DOK4: variants seen among roughly 807,000 people sequenced by gnomAD.
The protein encoded by DOK4 is downstream of tyrosine kinase 4.
In DOK4, 26 loss-of-function variants were observed where a neutral mutation model predicts 40.1. The observed-to-expected ratio is 0.65, with a 90% CI of 0.48 to 0.90. The LOEUF is 0.90. Ranked by LOEUF, DOK4 falls within the 40% of genes least tolerant of loss-of-function variation. DOK4 has a pLI of 0.00. For synonymous variants in DOK4, 179 were observed against 177.0 expected (o/e 1.01, Z -0.09); for missense variants, 392 against 437.2 (o/e 0.90, Z 0.92).
At chr16:57,482,589 G>A (rs1371721458) in intron 1 of DOK4, among the ~76,000 whole-genome samples, 7 of 151,786 alleles carry the variant, frequency 4.6e-5, no homozygotes, top group Non-Finnish European at 8.8e-5. Flanking sequence ...GGATGGTCTC[G>A]ATCTCCTGAC....
chr16:57,475,620 C>A, exon 4 of DOK4: 1 of 1,595,278 alleles, frequency 6.3e-7, no homozygotes. Context: ...ATCTCAGTCA[C>A]CTGGGACAGC....
In DOK4 at chr16:57,485,533, T is replaced by A. The variant is rs2146675637; in HGVS notation, c.-182+772A>T. ...TCTCCTAGAGATACTGCCAGGCCCC[T>A]CGCTGCCCTGGCCATCAGACCCCTC... is the stretch of plus-strand genomic sequence containing the variant. On this transcript the variant is annotated intron_variant, in intron 1 of 8. Coordinates refer to ENST00000340099, the Ensembl canonical transcript of DOK4. This position sits in a 1 kb window ranked among gnomAD's most constrained non-coding sequence, Gnocchi z 4.3. Among the ~76,000 whole-genome samples the A allele has an allele frequency of 6.6e-6, 1 of 152,168 alleles. No homozygotes were observed. The highest frequency in any genetic ancestry group is 1.9e-4 in the East Asian group (1 of 5,158).
At chr16:57,473,351 G>A in exon 9 of DOK4, 2 of 1,602,366 alleles carry the variant, frequency 1.2e-6, no homozygotes, top group Non-Finnish European at 1.7e-6. Flanking sequence ...GCCCCCAGCA[G>A]TCATCGGTGC....
In DOK4 at chr16:57,476,198, G is replaced by A. The variant is rs187664013; in HGVS notation, c.67-241C>T. The A allele has an allele frequency of 1.7e-3, 900 of 539,070 alleles. 2 individuals carry two copies. The highest frequency in any genetic ancestry group is 1.7e-3 in the Non-Finnish European group (501 of 296,808). The allele number at this position is 539,070 out of a possible 1,614,324, so 33.4% of individuals were successfully genotyped here. ...GGCTCCAAAACGCTGTTCCACAAAG[G>A]GTGCTCTCCTGACCTGCCATGTACT... On this transcript the variant is annotated intron_variant, in intron 2 of 8. Coordinates refer to ENST00000340099, the Ensembl canonical transcript of DOK4.
chr16:57,474,028 G>A, exon 7 of DOK4: 1 of 1,614,088 alleles, frequency 6.2e-7, no homozygotes, highest in Non-Finnish European at 8.5e-7. Context: ...TCCTTCCCCA[G>A]CATCACACAT....
chr16:57,485,107 ACAGT>A lies in DOK4; in HGVS notation c.-182+1194_-182+1197del, dbSNP rs2031509479. ...CTCAGCTTCCAGAGGTGCGTGAGCCACAGTGGGCTCCCAGCTCCTGGGTCTCAGC... is the reference window on the plus strand; with the variant it reads ...CTCAGCTTCCAGAGGTGCGTGAGCCAGGGCTCCCAGCTCCTGGGTCTCAGC... On this transcript the variant is annotated intron_variant, in intron 1 of 8. Coordinates refer to ENST00000340099, the Ensembl canonical transcript of DOK4. This position sits in a 1 kb window ranked among gnomAD's most constrained non-coding sequence, Gnocchi z 4.3. Among the ~76,000 whole-genome samples the A allele has an allele frequency of 6.6e-6, 1 of 152,236 alleles. No individual in the cohort carries two copies. The highest frequency in any genetic ancestry group is 2.4e-5 in the African/African-American group (1 of 41,476).
At chr16:57,474,923 G>A (rs2031073206) in exon 6 of DOK4, 1 of 1,613,926 alleles carries the variant, frequency 6.2e-7, no homozygotes, top group Non-Finnish European at 8.5e-7. Flanking sequence ...GTGATCTGCA[G>A]CTTGCACTCG....
intron 1 of DOK4, among the ~76,000 whole-genome samples, chr16:57,483,611 T>C (rs1469803946): frequency 1.3e-5 from 2 of 151,948 alleles, no homozygotes; most frequent in Admixed American, 6.6e-5. Flanking sequence ...GCCTGGGTGA[T>C]AGAGTGAGAC....
intron 2 of DOK4, among the ~76,000 whole-genome samples, chr16:57,476,543 C>T (rs1346386761): frequency 6.6e-6 from 1 of 152,170 alleles, no homozygotes; most frequent in East Asian, 1.9e-4. Context: ...TGTACATCCC[C>T]GTGCCCCTAG....
Position 57,473,474 on chromosome 16 carries a change from TGG to T in DOK4, c.882_883del (p.Gln295GlyfsTer25), listed in dbSNP as rs2030973851. The T allele has an allele frequency of 6.2e-7, 1 of 1,614,056 alleles. No homozygotes were observed. The highest frequency in any genetic ancestry group is 8.5e-7 in the Non-Finnish European group (1 of 1,180,030). On this transcript the variant is annotated frameshift_variant, in exon 9 of 9. Transcript: ENST00000340099. LOFTEE classifies it high-confidence loss of function. ...GAGGAGGTCTGTTTCCGAGCTGGCC[TGG>T]GCTGCCCCATACCCCTCACCTGTGG... is the stretch of plus-strand genomic sequence containing the variant.
chr16:57,473,230 G>T (rs72788068), exon 9 of DOK4: 49,648 of 1,287,186 alleles, frequency 0.039, 1,121 homozygotes, highest in Middle Eastern at 0.051. Flanking sequence ...CCTCAGTCCA[G>T]CCTCATCCTT....
intron 1 of DOK4, among the ~76,000 whole-genome samples, chr16:57,483,002 C>G (rs544211348): frequency 6.6e-6 from 1 of 152,166 alleles, no homozygotes; most frequent in South Asian, 2.1e-4. Flanking sequence ...AGGTCCCCAG[C>G]GGGAAGAGTG....
chr16:57,478,954 C>T (rs1292198821), intron 2 of DOK4, among the ~76,000 whole-genome samples: 3 of 152,124 alleles, frequency 2.0e-5, no homozygotes, highest in Non-Finnish European at 4.4e-5. Context: ...TAAATATCTG[C>T]ACACGGAAAG....
Position 57,479,362 on chromosome 16 carries a change from C to G in DOK4, c.66+80G>C. On this transcript the variant is annotated intron_variant, in intron 2 of 8. Coordinates refer to ENST00000340099, the Ensembl canonical transcript of DOK4. This position sits in a 1 kb window ranked among gnomAD's most constrained non-coding sequence, Gnocchi z 5.8. Reference sequence around the variant, plus strand: ...CCGGAGGGCAGCCGCGTGCCCCACGCGCCATGCCTCCAAGCCTGGGACCGA... The same window carrying G: ...CCGGAGGGCAGCCGCGTGCCCCACGGGCCATGCCTCCAAGCCTGGGACCGA... 2.0e-6 allele frequency: 3 copies of G among 1,517,716 alleles called. No homozygotes were observed. Among genetic ancestry groups the G allele is most frequent in the Non-Finnish European group, 2.7e-6 (3 of 1,107,224 alleles). 94.0% of individuals were successfully genotyped at this position (1,517,716 alleles called of 1,614,324 possible).
intron 1 of DOK4, among the ~76,000 whole-genome samples, chr16:57,482,576 C>G (rs1297380155): frequency 6.6e-6 from 1 of 151,894 alleles, no homozygotes; most frequent in Admixed American, 6.6e-5. Flanking sequence ...ACCGTGTTAG[C>G]CAGGATGGTC....
In DOK4 at chr16:57,475,042, C is replaced by T; in HGVS notation, c.409+58G>A. 6 of 1,600,556 alleles carry T rather than the reference C, an allele frequency of 3.7e-6. No homozygotes were observed. In the Admixed American group the frequency reaches 8.4e-5, roughly 22 times the overall value. On this transcript the variant is annotated intron_variant, in intron 5 of 8. Transcript: ENST00000340099. Reference sequence around the variant, plus strand: ...GTTGCCCCAGATGGGGACTTCCTCCCTCCCTTCCTCTCTTCCTCCTCCCCC... The same window carrying T: ...GTTGCCCCAGATGGGGACTTCCTCCTTCCCTTCCTCTCTTCCTCCTCCCCC...
At chr16:57,473,840 CCCTG>C (rs2146619185) in intron 7 of DOK4, 57 bp downstream of exon 7, 1 of 1,598,454 alleles carries the variant, frequency 6.3e-7, no homozygotes, top group East Asian at 2.2e-5. Context: ...AGGCACTTGG[CCCTG>C]CCTGCCCGCC....
At chr16:57,474,584 T>C (rs1336972193) in intron 6 of DOK4, 1 of 650,254 alleles carries the variant, frequency 1.5e-6, no homozygotes, top group African/African-American at 1.8e-5. Flanking sequence ...TTTTGGTAAA[T>C]AGCTTCACTT....
intron 1 of DOK4, among the ~76,000 whole-genome samples, chr16:57,481,303 C>A (rs1449170305): frequency 6.6e-6 from 1 of 152,186 alleles, no homozygotes; most frequent in Non-Finnish European, 1.5e-5. Context: ...CCCACTTGCA[C>A]CCTGATAGCC....
Sources: gnomAD v4.1 joint callset for allele counts (sites outside exome capture counted in the v4.1 genomes callset) on GRCh38, gnomAD v4.1.1 for gene constraint, Gnocchi (gnomAD v3.1) non-coding constraint, MANE v1.5 for transcripts, NCBI Gene and HGNC (gene_info 2026-07-23, HGNC 2026-07-21) for gene names.